Variants in ZFHX3 observed in about 807,000 individuals in gnomAD.
ZFHX3 encodes the protein zinc finger homeobox protein 3.
In ZFHX3, 42 loss-of-function variants were observed where a neutral mutation model predicts 279.1. The observed-to-expected ratio is 0.15, with a 90% CI of 0.12 to 0.19. ZFHX3 has a LOEUF of 0.19. Among genes scored for constraint, ZFHX3 ranks in the 10% least tolerant of loss-of-function variants. The pLI is 1.00. For synonymous variants in ZFHX3, 2,293 were observed against 1,957.8 expected, an observed-to-expected ratio of 1.17 and a Z score of -4.52; for missense variants, 4,981 against 4,754.0, an observed-to-expected ratio of 1.05 and a Z score of -1.40.
chr16:73,691,108 G>A (rs533151236), intron 1 of ZFHX3, among the ~76,000 whole-genome samples: 35 of 152,254 alleles, frequency 2.3e-4, no homozygotes, highest in African/African-American at 7.9e-4. Flanking sequence ...GGGTCTCTTG[G>A]TTATTAACAA....
At chr16:72,939,289 C>T (rs1192513633) in intron 3 of ZFHX3, among the ~76,000 whole-genome samples, 1 of 152,134 alleles carries the variant, frequency 6.6e-6, no homozygotes, top group Non-Finnish European at 1.5e-5. Flanking sequence ...GCAAAAACAT[C>T]CGATGCTGCT....
chr16:73,454,340 A>G (rs2018333906), intron 3 of ZFHX3, among the ~76,000 whole-genome samples: 1 of 152,206 alleles, frequency 6.6e-6, no homozygotes, highest in Non-Finnish European at 1.5e-5. Flanking sequence ...TACAGATGAT[A>G]CAAAGATGGT....
chr16:73,698,467 T>C (rs2053217754), intron 1 of ZFHX3, among the ~76,000 whole-genome samples: 1 of 152,048 alleles, frequency 6.6e-6, no homozygotes, highest in Non-Finnish European at 1.5e-5. Flanking sequence ...CAAGGGAAAA[T>C]TAGTAACTTT....
intron 4 of ZFHX3, among the ~76,000 whole-genome samples, chr16:73,299,955 C>A (rs2015013588): frequency 6.6e-6 from 1 of 152,324 alleles, no homozygotes; most frequent in East Asian, 1.9e-4. Flanking sequence ...GTGTTCTCAT[C>A]TGAAGTCTCT....
At chr16:72,898,633 C>T (rs2038956358) in intron 3 of ZFHX3, among the ~76,000 whole-genome samples, 1 of 152,128 alleles carries the variant, frequency 6.6e-6, no homozygotes, top group African/African-American at 2.4e-5. Flanking sequence ...GATTTCACTT[C>T]CCTCTGCTAG....
Position 72,788,555 on chromosome 16 carries a change from T to G in ZFHX3, c.9721A>C (p.Lys3241Gln). The G allele has an allele frequency of 1.2e-6, 2 of 1,614,134 alleles. No individual in the cohort carries two copies. The highest frequency in any genetic ancestry group is 1.7e-6 in the Non-Finnish European group (2 of 1,180,010). The change falls in exon 10 of 10, where the codon AAG becomes CAG. Residue 3241 changes from lysine (K) to glutamine (Q), a missense_variant. By Grantham distance (53) the Lys-to-Gln change is moderately conservative. Coordinates refer to ENST00000268489, the MANE Select transcript of ZFHX3 (RefSeq NM_006885.4). Reference protein sequence around the residue: ...QRKDKDSEKVKEKEKAHKGKG... With the variant: ...QRKDKDSEKVQEKEKAHKGKG... Reference sequence around the variant, plus strand: ...CCTTTGTGTGCCTTTTCCTTCTCCTTTACTTTCTCACTGTCTTTGTCCTTG... The same window carrying G: ...CCTTTGTGTGCCTTTTCCTTCTCCTGTACTTTCTCACTGTCTTTGTCCTTG...
chr16:73,306,139 C>A (rs924693551), intron 4 of ZFHX3, among the ~76,000 whole-genome samples: 2 of 152,148 alleles, frequency 1.3e-5, no homozygotes, highest in African/African-American at 4.8e-5. Flanking sequence ...TGTTCTACTG[C>A]GTACCTACTG....
intron 1 of ZFHX3, among the ~76,000 whole-genome samples, chr16:73,692,111 C>G (rs8047721): frequency 2.0e-5 from 3 of 152,144 alleles, no homozygotes; most frequent in African/African-American, 7.2e-5. Context: ...TTTGAAAATA[C>G]GTCCACAGAT....
At chr16:73,749,484 T>C (rs1378130997) in intron 1 of ZFHX3, among the ~76,000 whole-genome samples, 1 of 152,192 alleles carries the variant, frequency 6.6e-6, no homozygotes, top group Admixed American at 6.5e-5. Flanking sequence ...AAGTCTTCCC[T>C]GATAAACAGG....
At chr16:73,577,695 G>T (rs1286927861) in intron 2 of ZFHX3, among the ~76,000 whole-genome samples, 1 of 152,112 alleles carries the variant, frequency 6.6e-6, no homozygotes, top group African/African-American at 2.4e-5. Flanking sequence ...TTAAAATTCT[G>T]AACTTATCTT....
chr16:73,604,293 A>C (rs2052155219), intron 2 of ZFHX3, among the ~76,000 whole-genome samples: 1 of 151,932 alleles, frequency 6.6e-6, no homozygotes, highest in African/African-American at 2.4e-5. Flanking sequence ...ATTGGGTTAC[A>C]TTTTATAAAT....
intron 8 of ZFHX3, among the ~76,000 whole-genome samples, chr16:73,076,273 A>G (rs1405985146): frequency 6.6e-6 from 1 of 152,218 alleles, no homozygotes; most frequent in Non-Finnish European, 1.5e-5. Flanking sequence ...TATTGCATGA[A>G]CTAGAGGAAC....
chr16:73,881,707 T>C (rs1014804684), intron 1 of ZFHX3, among the ~76,000 whole-genome samples: 24 of 152,082 alleles, frequency 1.6e-4, no homozygotes, highest in Non-Finnish European at 2.9e-4. Flanking sequence ...CATACACATA[T>C]ACATTTTAGA....
At chr16:73,359,562 T>C (rs1317726804) in intron 3 of ZFHX3, among the ~76,000 whole-genome samples, 1 of 152,162 alleles carries the variant, frequency 6.6e-6, no homozygotes, top group African/African-American at 2.4e-5. Flanking sequence ...TTCTTAGGAC[T>C]GGAGACCAGA....
chr16:73,647,179 A>AT (rs1322284214), intron 2 of ZFHX3, among the ~76,000 whole-genome samples: 5 of 152,022 alleles, frequency 3.3e-5, no homozygotes, highest in East Asian at 3.9e-4. Flanking sequence ...CAGGCAGCTA[A>AT]TTTTTTGTAT....
At chr16:73,449,827 G>A (rs887214208) in intron 3 of ZFHX3, among the ~76,000 whole-genome samples, 1 of 151,870 alleles carries the variant, frequency 6.6e-6, no homozygotes, top group Admixed American at 6.6e-5. Context: ...TCTAGAAAAA[G>A]GTTTTCTCCA....
At chr16:73,095,885 C>T (rs1413015228) in intron 7 of ZFHX3, among the ~76,000 whole-genome samples, 3 of 152,226 alleles carry the variant, frequency 2.0e-5, no homozygotes, top group African/African-American at 7.2e-5. Flanking sequence ...CCATTTTCAA[C>T]AGAGCTGTTA....
chr16:73,332,604 C>A (rs970728108), intron 3 of ZFHX3, among the ~76,000 whole-genome samples: 1 of 152,200 alleles, frequency 6.6e-6, no homozygotes, highest in Non-Finnish European at 1.5e-5. Flanking sequence ...GGAGAAGAAA[C>A]TAAATCCTTT....
At chr16:73,704,947 T>A (rs1376262870) in intron 1 of ZFHX3, among the ~76,000 whole-genome samples, 1 of 152,156 alleles carries the variant, frequency 6.6e-6, no homozygotes, top group Non-Finnish European at 1.5e-5. Context: ...GGAGCCCTGA[T>A]TTGTAGCATT....
Sources: gnomAD v4.1 joint callset for allele counts (sites outside exome capture counted in the v4.1 genomes callset) on GRCh38, gnomAD v4.1.1 for gene constraint, MANE v1.5 for transcripts, NCBI Gene and HGNC (gene_info 2026-07-23, HGNC 2026-07-21) for gene names.